The following SYN2 variants were observed in gnomAD, a reference collection of about 807,000 sequenced individuals.
The protein encoded by SYN2 is synapsin II, also known as synapsin-2.
In SYN2, 19 loss-of-function variants were observed where a neutral mutation model predicts 50.9. That is an observed-to-expected ratio of 0.37 (90% CI 0.26 to 0.55). SYN2 has a LOEUF of 0.55. Ranked by LOEUF, SYN2 falls within the 20% of genes least tolerant of loss-of-function variation. The pLI is 0.81. For synonymous variants in SYN2, 255 were observed against 224.9 expected (o/e 1.13, Z -1.20); for missense variants, 587 against 576.4 (o/e 1.02, Z -0.19).
intron 1 of SYN2, among the ~76,000 whole-genome samples, chr3:12,056,482 G>GA (rs987663789): frequency 6.6e-6 from 1 of 151,586 alleles, no homozygotes; most frequent in South Asian, 2.1e-4. Context: ...AAAGTTTAAA[G>GA]AAAAAAATGT....
chr3:12,121,106 A>G (rs895461882), intron 1 of SYN2, among the ~76,000 whole-genome samples: 4 of 152,052 alleles, frequency 2.6e-5, no homozygotes, highest in Admixed American at 2.6e-4. Flanking sequence ...CCTAACCTTT[A>G]CTTCACTTTT....
intron 5 of SYN2, chr3:12,158,544 A>C: frequency 9.3e-7 from 1 of 1,073,916 alleles, no homozygotes; most frequent in Non-Finnish European, 1.3e-6. Flanking sequence ...CAAGGTTGCT[A>C]TGGCGCCTGG....
intron 1 of SYN2, among the ~76,000 whole-genome samples, chr3:12,133,314 C>T (rs768976474): frequency 3.3e-5 from 5 of 152,136 alleles, no homozygotes; most frequent in African/African-American, 1.2e-4. Flanking sequence ...ACCAATGATC[C>T]ATAACAGAAA....
At chr3:12,115,217 GT>G (rs1471918206) in intron 1 of SYN2, among the ~76,000 whole-genome samples, 1 of 152,208 alleles carries the variant, frequency 6.6e-6, no homozygotes, top group African/African-American at 2.4e-5. Context: ...TAGAAACAGA[GT>G]TTGGGTCCAG....
chr3:12,133,932 T>C (rs1696840257), intron 1 of SYN2, among the ~76,000 whole-genome samples: 1 of 152,216 alleles, frequency 6.6e-6, no homozygotes, highest in Admixed American at 6.5e-5. Context: ...GATTAGAGAT[T>C]ACCTGGGACT....
At chr3:12,154,941 C>T (rs965766755) in intron 5 of SYN2, among the ~76,000 whole-genome samples, 1 of 152,224 alleles carries the variant, frequency 6.6e-6, no homozygotes, top group Non-Finnish European at 1.5e-5. Flanking sequence ...AGTATCTGCA[C>T]AGGCCAGGCT....
At chr3:12,064,313 T>C (rs1695167373) in intron 1 of SYN2, among the ~76,000 whole-genome samples, 1 of 151,902 alleles carries the variant, frequency 6.6e-6, no homozygotes, top group Non-Finnish European at 1.5e-5. Flanking sequence ...CTGTATGGGA[T>C]CCTGGACCAG....
intron 7 of SYN2, chr3:12,165,775 A>T (rs1697773260): frequency 6.6e-6 from 1 of 152,138 alleles, no homozygotes; most frequent in Non-Finnish European, 1.5e-5. Context: ...GAAGACAGTT[A>T]TTTTTATTAT....
intron 1 of SYN2, among the ~76,000 whole-genome samples, chr3:12,012,948 A>G (rs1354187117): frequency 1.3e-5 from 2 of 152,064 alleles, no homozygotes; most frequent in Non-Finnish European, 2.9e-5. Flanking sequence ...TTATCCAGTT[A>G]TTTGCCCTTT....
chr3:12,106,375 C>T (rs553352327), intron 1 of SYN2, among the ~76,000 whole-genome samples: 10 of 152,128 alleles, frequency 6.6e-5, no homozygotes, highest in Admixed American at 2.0e-4. Context: ...CTTGTAATAA[C>T]TTATTCATGA....
intron 1 of SYN2, among the ~76,000 whole-genome samples, chr3:12,083,384 C>G (rs1277317491): frequency 6.6e-6 from 1 of 152,180 alleles, no homozygotes; most frequent in African/African-American, 2.4e-5. Flanking sequence ...ATAGTTCTGT[C>G]TCTCTCTGTA....
intron 1 of SYN2, among the ~76,000 whole-genome samples, chr3:12,090,048 G>A (rs1321280067): frequency 1.3e-5 from 2 of 152,290 alleles, no homozygotes; most frequent in South Asian, 2.1e-4. Context: ...TAGACTAAAA[G>A]CATTTTAAGA....
chr3:12,095,684 A>G (rs1239321517), intron 1 of SYN2, among the ~76,000 whole-genome samples: 1 of 145,120 alleles, frequency 6.9e-6, no homozygotes, highest in African/African-American at 2.6e-5. Context: ...CTTTCCCCCT[A>G]CTTGGTGGCT....
chr3:12,103,703 A>G (rs938571077), intron 1 of SYN2, among the ~76,000 whole-genome samples: 2 of 152,234 alleles, frequency 1.3e-5, no homozygotes, highest in Admixed American at 6.5e-5. Context: ...ACAGTCAACA[A>G]TATAATTTCA....
At chr3:12,035,310 T>C (rs1694474882) in intron 1 of SYN2, among the ~76,000 whole-genome samples, 1 of 152,042 alleles carries the variant, frequency 6.6e-6, no homozygotes, top group South Asian at 2.1e-4. Context: ...CAGGTTGGAG[T>C]CTCGTACCTG....
intron 1 of SYN2, among the ~76,000 whole-genome samples, chr3:12,058,086 A>G (rs1360846809): frequency 1.3e-5 from 2 of 152,138 alleles, no homozygotes; most frequent in East Asian, 3.9e-4. Context: ...GTCCATATTT[A>G]TTTCTTCACT....
intron 1 of SYN2, among the ~76,000 whole-genome samples, chr3:12,044,702 A>G (rs533854342): frequency 3.9e-5 from 6 of 152,312 alleles, no homozygotes; most frequent in Non-Finnish European, 7.4e-5. Context: ...TGGTAAGTCT[A>G]CATGTGCTGT....
intron 1 of SYN2, among the ~76,000 whole-genome samples, chr3:12,088,967 G>A (rs1222677506): frequency 6.6e-6 from 1 of 152,164 alleles, no homozygotes; most frequent in African/African-American, 2.4e-5. Flanking sequence ...GCATAGCATG[G>A]TGACCATAGT....
At chr3:12,152,226 T>C (rs1403235605) in intron 5 of SYN2, among the ~76,000 whole-genome samples, 3 of 152,186 alleles carry the variant, frequency 2.0e-5, no homozygotes, top group Admixed American at 2.0e-4. Flanking sequence ...GCAGACCACA[T>C]ATCAAAAAAC....
Sources: gnomAD v4.1 joint callset for allele counts (sites outside exome capture counted in the v4.1 genomes callset) on GRCh38, gnomAD v4.1.1 for gene constraint, MANE v1.5 for transcripts, NCBI Gene and HGNC (gene_info 2026-07-23, HGNC 2026-07-21) for gene names.